The following ATG16L1 variants were observed in gnomAD, a reference collection of about 807,000 sequenced individuals.
ATG16L1 encodes the protein autophagy related 16 like 1.
In ATG16L1, 37 loss-of-function variants were observed where a neutral mutation model predicts 88.5. The ratio of observed to expected loss-of-function variants is 0.42; its 90% CI spans 0.32 to 0.55. The LOEUF (loss-of-function observed/expected upper bound fraction) is 0.55, where lower values mean the gene tolerates loss of function less well. Among genes scored for constraint, ATG16L1 ranks in the 20% least tolerant of loss-of-function variants. The pLI is 0.13. For missense variants in ATG16L1, 554 were observed against 752.8 expected (o/e 0.74, Z 3.09); for synonymous variants, 301 against 281.0 (o/e 1.07, Z -0.71).
chr2:233,292,531 G>A lies in ATG16L1; in HGVS notation c.1628+97G>A, dbSNP rs575059181. On this transcript the variant is annotated intron_variant, in intron 16 of 17. Coordinates refer to ENST00000392017, the MANE Select transcript of ATG16L1 (RefSeq NM_030803.7). The stretch of plus-strand genomic sequence containing the variant: ...GATATAGAGCTAAATTTTGTTCAGT[G>A]CCCAACCTATGTTTCCAGGAGTGTG... 9.6e-6 allele frequency: 14 copies of A among 1,464,120 alleles called. No homozygotes were observed. The East Asian group carries it at 3.2e-4, about 34-fold the overall frequency. The allele number at this position is 1,464,120 out of a possible 1,614,324, so 90.7% of individuals were successfully genotyped here. A position where few individuals can be genotyped will look rare whatever the true frequency, so the allele number is the denominator to read the frequency against.
Position 233,289,959 on chromosome 2 carries a change from C to T in ATG16L1, c.1309C>T (p.Leu437=). The T allele has an allele frequency of 1.2e-6, 2 of 1,614,100 alleles. No individual in the cohort carries two copies. The highest frequency in any genetic ancestry group is 1.6e-4 in the Middle Eastern group (1 of 6,062). ...CGACCGGACTCTCAAACTCTGGGAT[C>T]TACGCAGCAAAGTCTGTGAGGAAAT... ...SHDRTLKLWD[L]RSKVCIKTVF... is the part of the protein sequence containing the mutation. The change falls in exon 13 of 18, where the codon CTA becomes TTA. Residue 437 remains leucine, a synonymous_variant. Transcript: ENST00000392017.
chr2:233,287,751 G>A (rs547405773), intron 12 of ATG16L1, among the ~76,000 whole-genome samples: 4 of 152,138 alleles, frequency 2.6e-5, no homozygotes, highest in South Asian at 2.1e-4. Flanking sequence ...GGTGGCACAC[G>A]CCTATAGTCC....
At chr2:233,273,973 T>C in intron 8 of ATG16L1, 196 bp downstream of exon 8, 1 of 1,551,514 alleles carries the variant, frequency 6.4e-7, no homozygotes, top group Non-Finnish European at 8.7e-7. Context: ...CGTGCTGATC[T>C]CTGGCCTTTC....
In ATG16L1 at chr2:233,295,652, T is replaced by G. The variant is rs1176484753; in HGVS notation, c.*1302T>G. ...GATTGTAAATAATAATAAAGAAATC[T>G]GTTATATACTTTTCAAACTCCATGC... On this transcript the variant is annotated 3_prime_UTR_variant, in exon 18 of 18. Coordinates refer to ENST00000392017, the MANE Select transcript of ATG16L1 (RefSeq NM_030803.7). 1.3e-5 allele frequency: 2 copies of G among 152,806 alleles called. No homozygotes were observed. The highest frequency in any genetic ancestry group is 2.9e-5 in the Non-Finnish European group (2 of 68,046). The allele number at this position is 152,806 out of a possible 1,614,324, so 9.5% of individuals were successfully genotyped here.
chr2:233,261,287 A>G (rs371518325), intron 2 of ATG16L1, among the ~76,000 whole-genome samples: 21 of 152,126 alleles, frequency 1.4e-4, no homozygotes, highest in Admixed American at 1.1e-3. Flanking sequence ...AATCTGTTCT[A>G]TAGCTAGCCA....
intron 12 of ATG16L1, among the ~76,000 whole-genome samples, chr2:233,286,940 A>G (rs1699128906): frequency 6.6e-6 from 1 of 152,046 alleles, no homozygotes; most frequent in Non-Finnish European, 1.5e-5. Flanking sequence ...CAAACATTGT[A>G]AAGAGCAAGG....
intron 4 of ATG16L1, among the ~76,000 whole-genome samples, chr2:233,264,368 G>A (rs577846848): frequency 6.6e-6 from 1 of 152,238 alleles, no homozygotes; most frequent in Admixed American, 6.5e-5. Flanking sequence ...TGTTCCTGTG[G>A]TGGAGGTGGT....
In ATG16L1 at chr2:233,270,033, G is replaced by T. The variant is rs777258059; in HGVS notation, c.673G>T (p.Ala225Ser). The change falls in exon 6 of 18, where the codon GCA becomes TCA. Residue 225 changes from alanine to serine, a missense_variant. Ala to Ser is a moderately conservative substitution (Grantham distance 99). Transcript: ENST00000392017. ...RRQARLQKEL[A>S]EAAKEPLPVE... ...GCAAGCCCGGCTGCAGAAAGAGCTTGCAGAAGCAGCAAAGGAACCTCTACC... is the reference window on the plus strand; with the variant it reads ...GCAAGCCCGGCTGCAGAAAGAGCTTTCAGAAGCAGCAAAGGAACCTCTACC... 6.3e-7 allele frequency: 1 copy of T among 1,585,324 alleles called. No homozygotes were observed. Among genetic ancestry groups the T allele is most frequent in the Non-Finnish European group, 8.6e-7 (1 of 1,168,812 alleles).
At chr2:233,281,754 G>A (rs1170426063) in intron 11 of ATG16L1, among the ~76,000 whole-genome samples, 1 of 152,198 alleles carries the variant, frequency 6.6e-6, no homozygotes. Context: ...GGTGATGACT[G>A]GGTGAGGCCA....
chr2:233,253,331 G>GTTTTTTT (rs1247381726), intron 1 of ATG16L1, among the ~76,000 whole-genome samples: 1 of 102,756 alleles, frequency 9.7e-6, no homozygotes, highest in African/African-American at 3.2e-5. Flanking sequence ...GGTGAGACTG[G>GTTTTTTT]GTTTTTTTGT....
intron 2 of ATG16L1, among the ~76,000 whole-genome samples, chr2:233,259,587 A>G (rs1294322482): frequency 6.6e-6 from 1 of 152,188 alleles, no homozygotes; most frequent in Non-Finnish European, 1.5e-5. Flanking sequence ...AGTGATGAAA[A>G]GCAGGCAAGG....
chr2:233,277,579 T>C lies in ATG16L1; in HGVS notation c.966T>C (p.Asp322=), dbSNP rs758476759. 1.2e-6 allele frequency: 2 copies of C among 1,613,836 alleles called. No homozygotes were observed. Among genetic ancestry groups the C allele is most frequent in the African/African-American group, 1.3e-5 (1 of 74,892 alleles). Residue 322 remains aspartate (D), a synonymous_variant, in exon 10 of 18, where the codon GAT becomes GAC. Coordinates refer to ENST00000392017, the MANE Select transcript of ATG16L1 (RefSeq NM_030803.7). The stretch of plus-strand genomic sequence containing the variant: ...TGCTTGTCTTGCAGGATGCACATGA[T>C]GGGGAAGTCAACGCTGTGCAGTTCA... ...ATALCVFDAH[D]GEVNAVQFSP...
intron 14 of ATG16L1, among the ~76,000 whole-genome samples, chr2:233,291,621 G>A (rs1023966697): frequency 6.6e-6 from 1 of 152,162 alleles, no homozygotes; most frequent in Admixed American, 6.5e-5. Context: ...CAGAGAAGAA[G>A]AGGGAGGTGC....
At chr2:233,289,767 C>T (rs1699335649) in intron 12 of ATG16L1, 87 bp from the exon 13 acceptor site, 8 of 1,557,686 alleles carry the variant, frequency 5.1e-6, no homozygotes, top group Non-Finnish European at 7.0e-6. Context: ...CACTCTGACT[C>T]TGGAGGTAAG....
At chr2:233,284,713 G>A (rs1574893466) in intron 12 of ATG16L1, among the ~76,000 whole-genome samples, 3 of 151,556 alleles carry the variant, frequency 2.0e-5, no homozygotes, top group African/African-American at 4.8e-5. Context: ...CAAGTGATCC[G>A]TCTGCCTCGG....
At chr2:233,256,594 C>T (rs1405522967) in intron 2 of ATG16L1, among the ~76,000 whole-genome samples, 2 of 151,878 alleles carry the variant, frequency 1.3e-5, no homozygotes, top group African/African-American at 4.8e-5. Flanking sequence ...AATTGCTTTC[C>T]TGCAGTATGG....
intron 14 of ATG16L1, among the ~76,000 whole-genome samples, chr2:233,291,060 A>G (rs1559414847): frequency 2.0e-5 from 3 of 152,142 alleles, no homozygotes; most frequent in African/African-American, 7.2e-5. Flanking sequence ...CATGTGGAGG[A>G]GAGAATCTAT....
chr2:233,269,016 G>C (rs1355479535), intron 5 of ATG16L1, among the ~76,000 whole-genome samples: 1 of 152,194 alleles, frequency 6.6e-6, no homozygotes, highest in Non-Finnish European at 1.5e-5. Context: ...GAGAGAGTAA[G>C]GTCAGGGTTA....
At chr2:233,263,408 C>A (rs1411590425) in intron 3 of ATG16L1, among the ~76,000 whole-genome samples, 173 bp downstream of exon 3, 1 of 152,104 alleles carries the variant, frequency 6.6e-6, no homozygotes, top group African/African-American at 2.4e-5. Flanking sequence ...AAAGACCAGG[C>A]AGATTGAGGC....
Sources: gnomAD v4.1 joint callset for allele counts (sites outside exome capture counted in the v4.1 genomes callset) on GRCh38, gnomAD v4.1.1 for gene constraint, MANE v1.5 for transcripts, NCBI Gene and HGNC (gene_info 2026-07-23, HGNC 2026-07-21) for gene names.